Variants in GNG2 observed in about 807,000 individuals in gnomAD.
GNG2 encodes G protein subunit gamma 2, also known as guanine nucleotide-binding protein G(I)/G(S)/G(O) subunit gamma-2.
In GNG2, 5 loss-of-function variants were observed where a neutral mutation model predicts 5.5. That is an observed-to-expected ratio of 0.91 (90% CI 0.48 to 1.92). GNG2 has a LOEUF of 1.92. Among genes scored for constraint, GNG2 ranks in the 30% most tolerant of loss-of-function variants. The pLI is 0.01. For missense variants in GNG2, 55 were observed against 88.4 expected (o/e 0.62, Z 1.52); for synonymous variants, 28 against 32.0 (o/e 0.88, Z 0.42).
chr14:51,877,541 T>G (rs1883755999), intron 1 of GNG2, 76 bp from the exon 2 acceptor site: 1 of 443,620 alleles, frequency 2.3e-6, no homozygotes, highest in Non-Finnish European at 4.5e-6. Context: ...CTTCATTCAT[T>G]CTACTTATCC....
chr14:51,891,419 T>A (rs1170059081), intron 2 of GNG2, among the ~76,000 whole-genome samples: 2 of 152,242 alleles, frequency 1.3e-5, no homozygotes, highest in Non-Finnish European at 2.9e-5. Context: ...TGTGTGTATA[T>A]GTAAAATATC....
At chr14:51,874,832 G>T (rs1883549832) in intron 1 of GNG2, among the ~76,000 whole-genome samples, 1 of 152,062 alleles carries the variant, frequency 6.6e-6, no homozygotes, top group Admixed American at 6.5e-5. Flanking sequence ...TTTTAAAGCA[G>T]AACTTTTTAA....
At chr14:51,915,793 G>C (rs1886585020) in intron 2 of GNG2, among the ~76,000 whole-genome samples, 1 of 152,198 alleles carries the variant, frequency 6.6e-6, no homozygotes, top group Non-Finnish European at 1.5e-5. Context: ...GCCTACATAT[G>C]TGAATTATGG....
chr14:51,836,522 C>T (rs1409878315), intron 2 of GNG2, among the ~76,000 whole-genome samples: 1 of 152,066 alleles, frequency 6.6e-6, no homozygotes, highest in Non-Finnish European at 1.5e-5. Context: ...TAAAAAGTCA[C>T]ATGAAGTTTT....
In GNG2 at chr14:51,903,650, A is replaced by G. The variant is rs138962449; in HGVS notation, c.-30+25993A>G. Among the ~76,000 whole-genome samples, 90 of 152,240 alleles carry G rather than the reference A, an allele frequency of 5.9e-4. 1 individual carries two copies. The highest frequency in any genetic ancestry group is 2.0e-3 in the African/African-American group (84 of 41,524). On this transcript the variant is annotated intron_variant, in intron 2 of 3. Transcript: ENST00000556766. Reference sequence around the variant, plus strand: ...TTCCAGTCTTTTCTGGAGTTTTTCAATTCTCTTTTTTTCCTCTAAGATCAA... The same window carrying G: ...TTCCAGTCTTTTCTGGAGTTTTTCAGTTCTCTTTTTTTCCTCTAAGATCAA...
chr14:51,845,291 G>A (rs1034171182), intron 2 of GNG2, among the ~76,000 whole-genome samples: 42 of 152,298 alleles, frequency 2.8e-4, no homozygotes, highest in African/African-American at 8.9e-4. Flanking sequence ...AGGAGTTTGA[G>A]ACCAACCCGA....
rs375448349 is a variant in GNG2 at position 51,928,604 on chromosome 14, C to T, written c.-29-22046C>T. Among the ~76,000 whole-genome samples, 73 of 152,128 alleles carry T rather than the reference C, an allele frequency of 4.8e-4. 1 individual carries two copies. The highest frequency in any genetic ancestry group is 2.5e-3 in the East Asian group (13 of 5,168). ...CTGTGGCAAACGGATTCAGTTTTAT[C>T]TCATCCTAAAAAAACACTGTAATGT... On this transcript the variant is annotated intron_variant, in intron 2 of 3. Transcript: ENST00000556766.
chr14:51,906,773 T>TTTTG (rs1594899112), intron 2 of GNG2, among the ~76,000 whole-genome samples: 1 of 148,496 alleles, frequency 6.7e-6, no homozygotes. Flanking sequence ...TTTTTTTTTT[T>TTTTG]GAGACGGAGT....
At chr14:51,944,065 G>C in intron 2 of GNG2, among the ~76,000 whole-genome samples, 1 of 152,200 alleles carries the variant, frequency 6.6e-6, no homozygotes, top group East Asian at 1.9e-4. Context: ...AGTCAAAACT[G>C]TAGCACTGGC....
At chr14:51,938,192 T>G (rs1187007451) in intron 2 of GNG2, among the ~76,000 whole-genome samples, 1 of 152,192 alleles carries the variant, frequency 6.6e-6, no homozygotes, top group Non-Finnish European at 1.5e-5. Context: ...CAAAAAAGGA[T>G]TCACCAACCC....
chr14:51,931,122 AAG>A (rs900716528), intron 2 of GNG2, among the ~76,000 whole-genome samples: 4 of 152,268 alleles, frequency 2.6e-5, no homozygotes, highest in Admixed American at 6.5e-5. Context: ...AAGAACAGGA[AAG>A]AGAGAGAAAA....
intron 2 of GNG2, among the ~76,000 whole-genome samples, chr14:51,844,642 C>G (rs560253505): frequency 6.6e-6 from 1 of 152,108 alleles, no homozygotes; most frequent in South Asian, 2.1e-4. Flanking sequence ...GGTTCCTTCC[C>G]GGGAGAACCT....
intron 2 of GNG2, among the ~76,000 whole-genome samples, chr14:51,840,910 T>G (rs148130175): frequency 6.6e-6 from 1 of 152,228 alleles, no homozygotes; most frequent in African/African-American, 2.4e-5. Context: ...CAGTCCCTCA[T>G]GTATAATGCT....
intron 2 of GNG2, among the ~76,000 whole-genome samples, chr14:51,945,120 C>G (rs1442806788): frequency 7.4e-6 from 1 of 134,526 alleles, no homozygotes; most frequent in Non-Finnish European, 1.7e-5. Flanking sequence ...GAAAACAAAA[C>G]AAAACAAACA....
chr14:51,933,211 T>C (rs1489619940), intron 2 of GNG2, among the ~76,000 whole-genome samples: 1 of 152,214 alleles, frequency 6.6e-6, no homozygotes, highest in African/African-American at 2.4e-5. Flanking sequence ...TGGGAATTTG[T>C]TACAGCAGCC....
intron 3 of GNG2, among the ~76,000 whole-genome samples, chr14:51,957,212 T>C (rs925899074): frequency 3.7e-4 from 57 of 152,184 alleles, no homozygotes; most frequent in African/African-American, 1.4e-3. Flanking sequence ...CCACCTTCTG[T>C]CTATCCTGCA....
intron 2 of GNG2, among the ~76,000 whole-genome samples, chr14:51,894,820 G>T (rs1000734227): frequency 2.6e-5 from 4 of 152,006 alleles, no homozygotes; most frequent in Non-Finnish European, 5.9e-5. Flanking sequence ...CTAAAAACTA[G>T]AATTTAAAGT....
At chr14:51,943,202 G>T (rs115660743) in intron 2 of GNG2, among the ~76,000 whole-genome samples, 543 of 152,254 alleles carry the variant, frequency 3.6e-3, no homozygotes, top group African/African-American at 0.012. Flanking sequence ...GATGGGGTGA[G>T]GGGGAGTAGT....
intron 2 of GNG2, among the ~76,000 whole-genome samples, chr14:51,852,625 A>G (rs1431404103): frequency 6.6e-6 from 1 of 152,260 alleles, no homozygotes; most frequent in African/African-American, 2.4e-5. Flanking sequence ...AATCTTAATT[A>G]TAGATTATTT....
Sources: allele counts gnomAD v4.1 joint callset (sites outside exome capture counted in the v4.1 genomes callset), GRCh38; gene constraint gnomAD v4.1.1; transcripts MANE v1.5; gene names NCBI Gene and HGNC (gene_info 2026-07-23, HGNC 2026-07-21).